Variants in ATXN1 observed in about 807,000 individuals in gnomAD.
The protein encoded by ATXN1 is ataxin 1, also known as ataxin-1.
In ATXN1, 8 loss-of-function variants were observed where a neutral mutation model predicts 56.4. The ratio of observed to expected loss-of-function variants is 0.14; its 90% CI spans 0.08 to 0.26. The LOEUF is 0.26. Ranked by LOEUF, ATXN1 falls within the 10% of genes least tolerant of loss-of-function variation. ATXN1 has a pLI of 1.00. For synonymous variants in ATXN1, 514 were observed against 494.6 expected (o/e 1.04, Z -0.52); for missense variants, 987 against 1,106.5 (o/e 0.89, Z 1.53).
At chr6:16,505,646 T>C (rs930177691) in intron 5 of ATXN1, among the ~76,000 whole-genome samples, 2 of 152,136 alleles carry the variant, frequency 1.3e-5, no homozygotes, top group African/African-American at 4.8e-5. Context: ...AACCTGCAAT[T>C]GACTACTTAT....
At chr6:16,511,328 G>A (rs140192492) in intron 5 of ATXN1, among the ~76,000 whole-genome samples, 1 of 152,306 alleles carries the variant, frequency 6.6e-6, no homozygotes, top group East Asian at 1.9e-4. Flanking sequence ...CAGACACCAT[G>A]CATGGGAATT....
At chr6:16,726,305 G>A (rs994008103) in intron 2 of ATXN1, among the ~76,000 whole-genome samples, 10 of 151,444 alleles carry the variant, frequency 6.6e-5, no homozygotes, top group South Asian at 2.1e-4. Context: ...GCTGGAACCC[G>A]GGGGAGCAGA....
At chr6:16,416,654 A>T (rs994026192) in intron 6 of ATXN1, among the ~76,000 whole-genome samples, 7 of 152,216 alleles carry the variant, frequency 4.6e-5, no homozygotes, top group African/African-American at 9.7e-5. Context: ...TCTCCTACTC[A>T]TCTTGCTCGT....
intron 6 of ATXN1, among the ~76,000 whole-genome samples, chr6:16,441,129 G>T (rs1434953541): frequency 1.3e-5 from 2 of 152,144 alleles, no homozygotes; most frequent in East Asian, 3.8e-4. Flanking sequence ...AAGGTCTGAG[G>T]TGCTTAGGTG....
intron 3 of ATXN1, among the ~76,000 whole-genome samples, chr6:16,605,710 T>C (rs1421653859): frequency 1.3e-5 from 2 of 152,044 alleles, no homozygotes; most frequent in Non-Finnish European, 2.9e-5. Context: ...TATGGTACAG[T>C]AGAAAAATGC....
rs114601082 is a variant in ATXN1 at position 16,521,958 on chromosome 6, C to T, written c.-299+669G>A. Among the ~76,000 whole-genome samples, 438 of 152,306 alleles carry T rather than the reference C, an allele frequency of 2.9e-3. 1 individual carries two copies. Among genetic ancestry groups the T allele is most frequent in the African/African-American group, 9.8e-3 (408 of 41,572 alleles). On this transcript the variant is annotated intron_variant, in intron 5 of 7. Transcript: ENST00000436367. ...TATCAGTATCAGTCTTGACCCTTGCCTTAGGGGTGATCATTATTAGATTAC... is the reference window on the plus strand; with the variant it reads ...TATCAGTATCAGTCTTGACCCTTGCTTTAGGGGTGATCATTATTAGATTAC...
At chr6:16,316,264 T>C (rs1264336981) in intron 7 of ATXN1, among the ~76,000 whole-genome samples, 2 of 152,168 alleles carry the variant, frequency 1.3e-5, no homozygotes, top group African/African-American at 4.8e-5. Flanking sequence ...TCCCCCTCCC[T>C]CTTCCCATCC....
intron 6 of ATXN1, among the ~76,000 whole-genome samples, chr6:16,371,912 T>C (rs1352691875): frequency 6.6e-6 from 1 of 152,084 alleles, no homozygotes; most frequent in Non-Finnish European, 1.5e-5. Flanking sequence ...TAATCCCAAA[T>C]GTCTACAGAG....
chr6:16,747,704 G>A (rs1298383100), intron 2 of ATXN1, among the ~76,000 whole-genome samples: 1 of 151,548 alleles, frequency 6.6e-6, no homozygotes, highest in Non-Finnish European at 1.5e-5. Flanking sequence ...TTCACTCAGT[G>A]TAAGAAAGAC....
intron 2 of ATXN1, among the ~76,000 whole-genome samples, chr6:16,671,799 G>A (rs1374891706): frequency 6.6e-6 from 1 of 152,112 alleles, no homozygotes; most frequent in Non-Finnish European, 1.5e-5. Flanking sequence ...AATATGACAA[G>A]GATTTGAATA....
Position 16,354,473 on chromosome 6 carries a change from G to A in ATXN1, c.-160-26003C>T, listed in dbSNP as rs545029399. Among the ~76,000 whole-genome samples, 11 of 152,130 alleles carry A rather than the reference G, an allele frequency of 7.2e-5. No individual in the cohort carries two copies. The East Asian group carries it at 1.9e-3, about 27-fold the overall frequency. ...GGGATTTCACTGTGTTAGCCAGGAT[G>A]GTCTCAATCTCCTGACCTCCTGATC... On this transcript the variant is annotated intron_variant, in intron 6 of 7. Coordinates refer to ENST00000436367, the MANE Select transcript of ATXN1 (RefSeq NM_001128164.2).
intron 4 of ATXN1, among the ~76,000 whole-genome samples, chr6:16,545,539 C>T (rs1331278538): frequency 1.3e-5 from 2 of 152,142 alleles, no homozygotes; most frequent in Non-Finnish European, 2.9e-5. Context: ...AAACACAAAC[C>T]ACTTCATCAT....
At chr6:16,507,648 A>G (rs1046915225) in intron 5 of ATXN1, among the ~76,000 whole-genome samples, 1 of 152,224 alleles carries the variant, frequency 6.6e-6, no homozygotes, top group Non-Finnish European at 1.5e-5. Flanking sequence ...GAGTTCTTAC[A>G]AAGTTTATTG....
At chr6:16,522,410 GGCAAAAAAGAAATC>G (rs1046956272) in intron 5 of ATXN1, among the ~76,000 whole-genome samples, 1 of 151,974 alleles carries the variant, frequency 6.6e-6, no homozygotes, top group African/African-American at 2.4e-5. Context: ...GCATGTGAAC[GGCAAAAAAGAAATC>G]GCAGAAAAAT....
intron 3 of ATXN1, among the ~76,000 whole-genome samples, chr6:16,620,242 C>G (rs72825562): frequency 0.045 from 6,716 of 147,684 alleles, 214 homozygotes; most frequent in Non-Finnish European, 0.064. Flanking sequence ...CATATTCTCT[C>G]TCTCTCTCTC....
chr6:16,573,535 G>A (rs1414386141), intron 4 of ATXN1, among the ~76,000 whole-genome samples: 4 of 151,944 alleles, frequency 2.6e-5, no homozygotes, highest in South Asian at 2.1e-4. Flanking sequence ...CATTGTCACC[G>A]GTTTCAGATA....
chr6:16,398,088 A>G (rs1758492158), intron 6 of ATXN1, among the ~76,000 whole-genome samples: 1 of 152,012 alleles, frequency 6.6e-6, no homozygotes. Context: ...TGAAAATGGG[A>G]CTTTTTTTTC....
At chr6:16,625,527 C>T (rs140588972) in intron 3 of ATXN1, among the ~76,000 whole-genome samples, 5 of 152,218 alleles carry the variant, frequency 3.3e-5, no homozygotes, top group Non-Finnish European at 7.4e-5. Flanking sequence ...AGGCATTTAT[C>T]ATGCACAGAG....
intron 3 of ATXN1, among the ~76,000 whole-genome samples, chr6:16,632,710 T>C (rs1763527259): frequency 1.3e-5 from 2 of 151,938 alleles, no homozygotes; most frequent in South Asian, 4.1e-4. Context: ...GCCACAAACA[T>C]GAACCTCTAC....
Sources: allele counts gnomAD v4.1 joint callset (sites outside exome capture counted in the v4.1 genomes callset), GRCh38; gene constraint gnomAD v4.1.1; transcripts MANE v1.5; gene names NCBI Gene and HGNC (gene_info 2026-07-23, HGNC 2026-07-21).